GBE1: variants seen among roughly 807,000 people sequenced by gnomAD.
The protein encoded by GBE1 is 1,4-alpha-glucan-branching enzyme.
Under a neutral mutation model 88.8 loss-of-function variants are expected in GBE1, and 70 were observed. The ratio of observed to expected loss-of-function variants is 0.79; its 90% CI spans 0.65 to 0.96. The LOEUF is 0.96. GBE1 is among the 40% of genes least tolerant of loss of function. GBE1 has a pLI of 0.00. For missense variants in GBE1, 872 were observed against 871.0 expected (o/e 1.00, Z -0.01); for synonymous variants, 284 against 300.1 (o/e 0.95, Z 0.56).
At chr3:81,537,264 T>A (rs1449626355) in intron 12 of GBE1, among the ~76,000 whole-genome samples, 169 bp from the exon 13 acceptor site, 1 of 151,998 alleles carries the variant, frequency 6.6e-6, no homozygotes, top group Non-Finnish European at 1.5e-5. Flanking sequence ...AATAGCACGG[T>A]CTAGCACAGG....
chr3:81,686,224 A>G (rs1705436217), intron 2 of GBE1, among the ~76,000 whole-genome samples: 1 of 152,212 alleles, frequency 6.6e-6, no homozygotes, highest in Non-Finnish European at 1.5e-5. Context: ...AATGGGACAG[A>G]GAATATGAAA....
chr3:81,636,762 T>C (rs1389715297), intron 7 of GBE1, among the ~76,000 whole-genome samples: 2 of 152,102 alleles, frequency 1.3e-5, no homozygotes, highest in East Asian at 3.9e-4. Context: ...ACTCCCAATC[T>C]CAGGTGATCA....
chr3:81,743,523 C>A (rs1706380238), intron 1 of GBE1: 23 of 1,429,026 alleles, frequency 1.6e-5, no homozygotes, highest in Non-Finnish European at 2.1e-5. Flanking sequence ...AGGCAAAGAC[C>A]AACTCAAAAA....
chr3:81,547,617 T>C (rs996540474), intron 12 of GBE1, among the ~76,000 whole-genome samples: 3 of 138,366 alleles, frequency 2.2e-5, no homozygotes, highest in Non-Finnish European at 4.7e-5. Context: ...GGCTTCTAGG[T>C]TCGTTTGTTC....
intron 7 of GBE1, among the ~76,000 whole-genome samples, chr3:81,601,046 T>C (rs1470025607): frequency 1.3e-5 from 2 of 152,110 alleles, no homozygotes; most frequent in African/African-American, 4.8e-5. Flanking sequence ...CTAAATAATA[T>C]ATATGTTTCT....
At chr3:81,524,965 G>C (rs1053694605) in intron 14 of GBE1, among the ~76,000 whole-genome samples, 69 of 151,822 alleles carry the variant, frequency 4.5e-4, no homozygotes, top group African/African-American at 1.6e-3. Context: ...TATTTTGATA[G>C]GGATTCTTAA....
intron 2 of GBE1, among the ~76,000 whole-genome samples, chr3:81,703,963 T>C (rs983165458): frequency 7.9e-5 from 12 of 152,004 alleles, no homozygotes; most frequent in Admixed American, 7.9e-4. Context: ...TCCTTGGATT[T>C]TGGTATCCAC....
intron 9 of GBE1, among the ~76,000 whole-genome samples, chr3:81,587,010 T>G (rs1389105257): frequency 6.6e-6 from 1 of 152,038 alleles, no homozygotes; most frequent in Non-Finnish European, 1.5e-5. Context: ...CAGGCTGTTC[T>G]CGAACTCCTG....
chr3:81,706,042 T>A (rs1327801122), intron 1 of GBE1, among the ~76,000 whole-genome samples: 1 of 152,098 alleles, frequency 6.6e-6, no homozygotes, highest in Non-Finnish European at 1.5e-5. Flanking sequence ...TTGGCAAACT[T>A]TTCCTGTAAA....
At chr3:81,688,150 A>G (rs1705466132) in intron 2 of GBE1, among the ~76,000 whole-genome samples, 1 of 152,194 alleles carries the variant, frequency 6.6e-6, no homozygotes, top group Non-Finnish European at 1.5e-5. Flanking sequence ...ATAGTGTGCT[A>G]CTCCGCACTA....
At chr3:81,530,894 C>T (rs1157544549) in intron 14 of GBE1, among the ~76,000 whole-genome samples, 1 of 151,654 alleles carries the variant, frequency 6.6e-6, no homozygotes, top group African/African-American at 2.4e-5. Context: ...AGGCCTGGGT[C>T]CTTCCCTTTA....
chr3:81,709,532 G>A (rs1705825682), intron 1 of GBE1, among the ~76,000 whole-genome samples: 1 of 152,098 alleles, frequency 6.6e-6, no homozygotes, highest in Admixed American at 6.5e-5. Flanking sequence ...AAGGTATAAC[G>A]TTGGGAGGAT....
chr3:81,729,285 A>AC, intron 1 of GBE1, among the ~76,000 whole-genome samples: 1 of 152,060 alleles, frequency 6.6e-6, no homozygotes. Flanking sequence ...TCTCCCTTAA[A>AC]CCCACAGGTT....
intron 11 of GBE1, among the ~76,000 whole-genome samples, chr3:81,579,160 T>C (rs548712534): frequency 1.8e-4 from 28 of 152,050 alleles, no homozygotes; most frequent in Non-Finnish European, 3.7e-4. Context: ...CCTGTTGAGA[T>C]ACTGGTGAAA....
At chr3:81,591,501 T>C (rs1423299792) in intron 8 of GBE1, among the ~76,000 whole-genome samples, 1 of 152,180 alleles carries the variant, frequency 6.6e-6, no homozygotes, top group African/African-American at 2.4e-5. Context: ...ACATTTTCTG[T>C]CACATTAAGA....
At chr3:81,598,688 T>C (rs1404407613) in intron 7 of GBE1, among the ~76,000 whole-genome samples, 4 of 151,848 alleles carry the variant, frequency 2.6e-5, no homozygotes, top group Non-Finnish European at 5.9e-5. Context: ...TCATCAATAA[T>C]AAAGTGTATC....
At chr3:81,639,970 T>C (rs970015459) in intron 7 of GBE1, among the ~76,000 whole-genome samples, 1 of 152,146 alleles carries the variant, frequency 6.6e-6, no homozygotes, top group Non-Finnish European at 1.5e-5. Flanking sequence ...ACAAAATAAA[T>C]ATTGCTGTTA....
intron 12 of GBE1, among the ~76,000 whole-genome samples, chr3:81,556,561 A>G (rs1048811142): frequency 2.0e-5 from 3 of 152,104 alleles, no homozygotes; most frequent in African/African-American, 7.2e-5. Flanking sequence ...AATATTCATA[A>G]CTCGGGAGAC....
intron 3 of GBE1, among the ~76,000 whole-genome samples, chr3:81,653,812 T>C (rs1038810026): frequency 1.3e-5 from 2 of 151,962 alleles, no homozygotes; most frequent in African/African-American, 4.8e-5. Flanking sequence ...TATGGTTACC[T>C]ATGGGTAAGG....
Sources: gnomAD v4.1 joint callset for allele counts (sites outside exome capture counted in the v4.1 genomes callset) on GRCh38, gnomAD v4.1.1 for gene constraint, MANE v1.5 for transcripts, NCBI Gene and HGNC (gene_info 2026-07-23, HGNC 2026-07-21) for gene names.